KALRN: variants seen among roughly 807,000 people sequenced by gnomAD.
KALRN encodes kalirin RhoGEF kinase.
A neutral mutation model predicts 353.7 loss-of-function variants in KALRN; 70 were observed. The ratio of observed to expected loss-of-function variants is 0.20; its 90% CI spans 0.16 to 0.24. KALRN has a LOEUF of 0.24. Ranked by LOEUF, KALRN falls within the 10% of genes least tolerant of loss-of-function variation. The pLI is 1.00. For missense variants in KALRN, 2,791 were observed against 3,756.7 expected (o/e 0.74, Z 6.72); for synonymous variants, 1,391 against 1,434.8 (o/e 0.97, Z 0.69).
At chr3:124,586,156 G>A (rs779714977) in intron 34 of KALRN, among the ~76,000 whole-genome samples, 1 of 152,212 alleles carries the variant, frequency 6.6e-6, no homozygotes, top group Non-Finnish European at 1.5e-5. Context: ...GATGAAGAAG[G>A]AATGTGAGGG....
intron 18 of KALRN, among the ~76,000 whole-genome samples, chr3:124,441,578 ACTTTGGGAGGC>A (rs1560953318): frequency 2.0e-5 from 3 of 152,152 alleles, no homozygotes; most frequent in Non-Finnish European, 2.9e-5. Flanking sequence ...TAATCCTAGC[ACTTTGGGAGGC>A]CAAGGTGGGC....
At chr3:124,325,256 G>C (rs1046974396) in intron 6 of KALRN, among the ~76,000 whole-genome samples, 3 of 152,114 alleles carry the variant, frequency 2.0e-5, no homozygotes, top group African/African-American at 7.2e-5. Flanking sequence ...ATGCCTTTTG[G>C]GGTACCCACA....
chr3:124,052,574 A>G (rs527947131), intron 1 of KALRN, among the ~76,000 whole-genome samples: 13 of 151,944 alleles, frequency 8.6e-5, no homozygotes, highest in Non-Finnish European at 1.8e-4. Flanking sequence ...ACCCAGCCCA[A>G]CTCCAGCATC....
chr3:124,566,400 GA>G (rs2072839942), intron 34 of KALRN, among the ~76,000 whole-genome samples: 1 of 152,026 alleles, frequency 6.6e-6, no homozygotes, highest in Non-Finnish European at 1.5e-5. Flanking sequence ...AGCTACTCAG[GA>G]GGCTGAGGTG....
At chr3:124,039,484 A>C (rs545182650) in intron 1 of KALRN, among the ~76,000 whole-genome samples, 2 of 152,370 alleles carry the variant, frequency 1.3e-5, no homozygotes, top group African/African-American at 4.8e-5. Context: ...TCACAATATA[A>C]ATCAAACATG....
intron 17 of KALRN, among the ~76,000 whole-genome samples, chr3:124,435,601 C>T (rs73858461): frequency 3.9e-5 from 6 of 152,290 alleles, no homozygotes; most frequent in South Asian, 2.1e-4. Flanking sequence ...CAGGGACCAT[C>T]GGAAAGTCTT....
chr3:124,149,634 G>A (rs2067823836), intron 1 of KALRN, among the ~76,000 whole-genome samples: 1 of 152,130 alleles, frequency 6.6e-6, no homozygotes, highest in Non-Finnish European at 1.5e-5. Context: ...TCGTTTTAAA[G>A]AGTCTCTTAG....
At chr3:124,476,899 A>G (rs1056408009) in intron 26 of KALRN, among the ~76,000 whole-genome samples, 7 of 152,234 alleles carry the variant, frequency 4.6e-5, no homozygotes, top group Non-Finnish European at 8.8e-5. Flanking sequence ...GATGGGGAGC[A>G]CAATTGTAGA....
chr3:124,410,997 A>G (rs1276425368), intron 13 of KALRN, among the ~76,000 whole-genome samples: 1 of 152,244 alleles, frequency 6.6e-6, no homozygotes, highest in Non-Finnish European at 1.5e-5. Context: ...TATATGTACA[A>G]TGATACTCTA....
chr3:124,120,711 A>ATATATATATATATATATATATATAT (rs2063898907), intron 1 of KALRN, among the ~76,000 whole-genome samples: 7 of 98,932 alleles, frequency 7.1e-5, no homozygotes, highest in African/African-American at 2.6e-4. Flanking sequence ...GAATACTAAA[A>ATATATATATATATATATATATATAT]ATATATATAT....
intron 10 of KALRN, among the ~76,000 whole-genome samples, chr3:124,351,001 C>T (rs1316068105): frequency 1.3e-5 from 2 of 152,108 alleles, no homozygotes; most frequent in East Asian, 3.9e-4. Context: ...ATTGTTAGTC[C>T]ACATAGGAAA....
chr3:124,330,229 T>TTC (rs369909557), intron 8 of KALRN, among the ~76,000 whole-genome samples: 7,938 of 134,672 alleles, frequency 0.059, 291 homozygotes, highest in African/African-American at 0.093. Flanking sequence ...CTCGCATTCA[T>TTC]TCTCTCTCTC....
chr3:124,062,408 T>A (rs1294781315), intron 1 of KALRN, among the ~76,000 whole-genome samples: 3 of 152,242 alleles, frequency 2.0e-5, no homozygotes, highest in African/African-American at 7.2e-5. Context: ...CCCTGTCTCC[T>A]TTATCCTATA....
At chr3:124,066,716 A>G (rs1190482849) in intron 1 of KALRN, among the ~76,000 whole-genome samples, 1 of 152,110 alleles carries the variant, frequency 6.6e-6, no homozygotes, top group African/African-American at 2.4e-5. Context: ...AGAATTCCAG[A>G]GGGCAAGGGA....
intron 34 of KALRN, among the ~76,000 whole-genome samples, chr3:124,604,367 T>C (rs1487062593): frequency 6.6e-6 from 1 of 152,168 alleles, no homozygotes; most frequent in Non-Finnish European, 1.5e-5. Context: ...GCATCGAGCC[T>C]GAAAAGAGCC....
In KALRN at chr3:124,462,520, A is replaced by C. The variant is rs777118182; in HGVS notation, c.3922-4A>C. On this transcript the variant is annotated splice_region_variant and splice_polypyrimidine_tract_variant and intron_variant, in intron 24 of 59. Transcript: ENST00000682506. The stretch of plus-strand genomic sequence containing the variant: ...CCAGTGATGAAACTGTTACTGTCTT[A>C]CAGACCTACCTGTGGGAAATGACCA... 8 of 1,567,882 alleles carry C rather than the reference A, an allele frequency of 5.1e-6. No individual in the cohort carries two copies. In the East Asian group the frequency reaches 1.6e-4, roughly 31 times the overall value.
chr3:124,623,136 CTTTCTTTCCTTTTCT>C (rs968175709), intron 34 of KALRN, among the ~76,000 whole-genome samples: 10 of 147,534 alleles, frequency 6.8e-5, no homozygotes, highest in African/African-American at 2.5e-4. Flanking sequence ...TTGTCTCTTT[CTTTCTTTCCTTTTCT>C]TTTCTTTGCT....
rs1000270516 is a variant in KALRN at position 124,176,744 on chromosome 3, T to C, written c.74-51246T>C. Among the ~76,000 whole-genome samples the C allele has an allele frequency of 9.8e-5, 15 of 152,318 alleles. No individual in the cohort carries two copies. The East Asian group carries it at 2.5e-3, about 25-fold the overall frequency. The stretch of plus-strand genomic sequence containing the variant: ...GTGCTCTGCTTGTCTGGTTTGTTCA[T>C]AGCACTGCTATCTCCTGTTTTCAAG... On this transcript the variant is annotated intron_variant, in intron 1 of 59. Transcript: ENST00000682506.
At chr3:124,388,884 G>A (rs1453559068) in intron 11 of KALRN, among the ~76,000 whole-genome samples, 2 of 152,074 alleles carry the variant, frequency 1.3e-5, no homozygotes, top group African/African-American at 4.8e-5. Context: ...CTAAGTATGG[G>A]TCCTATTTGA....
Sources: gnomAD v4.1 joint callset for allele counts (sites outside exome capture counted in the v4.1 genomes callset) on GRCh38, gnomAD v4.1.1 for gene constraint, MANE v1.5 for transcripts, NCBI Gene and HGNC (gene_info 2026-07-23, HGNC 2026-07-21) for gene names.